ALG5: variants seen among roughly 807,000 people sequenced by gnomAD.
ALG5 encodes ALG5 dolichyl-phosphate beta-glucosyltransferase.
Under a neutral mutation model 51.8 loss-of-function variants are expected in ALG5, and 26 were observed. The observed-to-expected ratio is 0.50, with a 90% confidence interval of 0.37 to 0.70. The LOEUF (loss-of-function observed/expected upper bound fraction) is 0.70, where lower values mean the gene tolerates loss of function less well. Among genes scored for constraint, ALG5 ranks in the 30% least tolerant of loss-of-function variants. ALG5 has a pLI of 0.00. For synonymous variants in ALG5, 141 were observed against 136.1 expected (o/e 1.04, Z -0.25); for missense variants, 311 against 399.3 (o/e 0.78, Z 1.88).
At chr13:36,967,222 C>CAA (rs1370057490) in intron 7 of ALG5, among the ~76,000 whole-genome samples, 2 of 64,172 alleles carry the variant, frequency 3.1e-5, no homozygotes, top group African/African-American at 1.2e-4. Context: ...GACTCCAACT[C>CAA]AAAAAAAAAA....
Position 36,991,140 on chromosome 13 carries a change from G to C in ALG5, c.355-1564C>G, listed in dbSNP as rs114277489. On this transcript the variant is annotated intron_variant, in intron 4 of 9. Transcript: ENST00000239891. ...CCCATTAGTACCGTGAACATTAGCA[G>C]TATTTGAGATTTCCAGACCATACCA... Among the ~76,000 whole-genome samples the C allele has an allele frequency of 4.0e-3, 608 of 152,194 alleles. 5 individuals are homozygous for C. Among genetic ancestry groups the C allele is most frequent in the African/African-American group, 0.014 (586 of 41,536 alleles).
At chr13:36,988,984 C>A (rs868336219) in intron 5 of ALG5, among the ~76,000 whole-genome samples, 2 of 152,166 alleles carry the variant, frequency 1.3e-5, no homozygotes, top group South Asian at 2.1e-4. Flanking sequence ...CTGACAGTAA[C>A]CTCTTTTTTG....
chr13:36,992,712 C>T (rs191015888), intron 4 of ALG5, among the ~76,000 whole-genome samples: 48 of 152,210 alleles, frequency 3.2e-4, no homozygotes, highest in Middle Eastern at 3.4e-3. Context: ...CCTTGTGCCC[C>T]CTTGGTCTGA....
At chr13:36,997,692 T>C (rs1473285275) in intron 1 of ALG5, among the ~76,000 whole-genome samples, 1 of 152,132 alleles carries the variant, frequency 6.6e-6, no homozygotes, top group Non-Finnish European at 1.5e-5. Context: ...CTGTGACCAC[T>C]TTATTGTGGT....
chr13:36,982,810 T>C (rs188514506), intron 6 of ALG5, among the ~76,000 whole-genome samples: 25 of 151,796 alleles, frequency 1.6e-4, no homozygotes, highest in African/African-American at 5.8e-4. Flanking sequence ...CTGCAAAGAG[T>C]ATTACATGAT....
chr13:36,952,041 C>G (rs1365296190), intron 9 of ALG5, among the ~76,000 whole-genome samples: 1 of 152,142 alleles, frequency 6.6e-6, no homozygotes, highest in Non-Finnish European at 1.5e-5. Flanking sequence ...CCCCCTCGGT[C>G]TCCGAAAGTG....
chr13:36,970,535 G>A (rs1262417076), intron 7 of ALG5, among the ~76,000 whole-genome samples: 1 of 152,158 alleles, frequency 6.6e-6, no homozygotes, highest in Non-Finnish European at 1.5e-5. Flanking sequence ...GGGAGGCAGA[G>A]GTTGCAGTAA....
At chr13:36,979,981 AGGTT>A (rs2058971953) in intron 6 of ALG5, among the ~76,000 whole-genome samples, 1 of 152,168 alleles carries the variant, frequency 6.6e-6, no homozygotes, top group Non-Finnish European at 1.5e-5. Flanking sequence ...CTGGAAGCAG[AGGTT>A]GCAGTGAGCC....
At chr13:36,957,823 C>G (rs950209285) in intron 8 of ALG5, among the ~76,000 whole-genome samples, 2 of 152,108 alleles carry the variant, frequency 1.3e-5, no homozygotes, top group Non-Finnish European at 2.9e-5. Context: ...AGCCTGTCCC[C>G]GAGAAGAGGG....
At chr13:36,969,104 T>C (rs566272132) in intron 7 of ALG5, among the ~76,000 whole-genome samples, 8 of 152,342 alleles carry the variant, frequency 5.3e-5, no homozygotes, top group Admixed American at 6.5e-5. Context: ...GTTCCTGCGA[T>C]TGATCCCTTG....
intron 8 of ALG5, among the ~76,000 whole-genome samples, chr13:36,960,400 G>T (rs866643151): frequency 6.6e-6 from 1 of 152,088 alleles, no homozygotes; most frequent in African/African-American, 2.4e-5. Flanking sequence ...GGAAATTGGG[G>T]CAAGGAATTA....
At chr13:36,971,100 G>GT (rs763077044) in intron 7 of ALG5, among the ~76,000 whole-genome samples, 2 of 152,100 alleles carry the variant, frequency 1.3e-5, no homozygotes, top group Non-Finnish European at 2.9e-5. Flanking sequence ...CCTCATGTGC[G>GT]TAAGAGGGAC....
chr13:36,993,692 A>T lies in ALG5; in HGVS notation c.286-20T>A, dbSNP rs186706371. ...TCGTTTCTGCAAGAAACAAAAATAAAGTAATACAATTTGGCATAACTGCCA... is the reference window on the plus strand; with the variant it reads ...TCGTTTCTGCAAGAAACAAAAATAATGTAATACAATTTGGCATAACTGCCA... On this transcript the variant is annotated intron_variant, in intron 3 of 9. Transcript: ENST00000239891. The T allele has an allele frequency of 6.2e-7, 1 of 1,607,240 alleles. No homozygotes were observed. The highest frequency in any genetic ancestry group is 8.5e-7 in the Non-Finnish European group (1 of 1,175,330).
intron 6 of ALG5, among the ~76,000 whole-genome samples, chr13:36,982,246 T>G (rs925988354): frequency 1.3e-5 from 2 of 152,040 alleles, no homozygotes; most frequent in African/African-American, 4.8e-5. Context: ...ACAGAAACAA[T>G]GGAAGGGGGT....
At chr13:36,956,776 C>G (rs765140558) in intron 8 of ALG5, among the ~76,000 whole-genome samples, 3 of 152,004 alleles carry the variant, frequency 2.0e-5, no homozygotes, top group Non-Finnish European at 4.4e-5. Flanking sequence ...AGGTGGCAGT[C>G]TTACACTGCT....
intron 8 of ALG5, among the ~76,000 whole-genome samples, chr13:36,956,391 A>C (rs2058839842): frequency 1.3e-5 from 2 of 152,238 alleles, no homozygotes; most frequent in Admixed American, 1.3e-4. Context: ...AATGTAAATT[A>C]GTATAGTGAT....
rs529746268 is a variant in ALG5 at position 36,965,504 on chromosome 13, G to A, written c.773+71C>T. 2.1e-4 allele frequency: 304 copies of A among 1,419,554 alleles called. 7 individuals are homozygous for A. The South Asian group carries it at 3.8e-3, about 18-fold the overall frequency. 87.9% of individuals were successfully genotyped at this position (1,419,554 alleles called of 1,614,324 possible). A position where few individuals can be genotyped will look rare whatever the true frequency, so the allele number is the denominator to read the frequency against. On this transcript the variant is annotated intron_variant, in intron 8 of 9. Coordinates refer to ENST00000239891, the MANE Select transcript of ALG5 (RefSeq NM_013338.5). ...CTACATGTTCATTATAAATATACAG[G>A]GCTGTTTCTCATTACCTAGAAGATG...
At chr13:36,981,156 T>C (rs1313241020) in intron 6 of ALG5, among the ~76,000 whole-genome samples, 1 of 152,018 alleles carries the variant, frequency 6.6e-6, no homozygotes, top group Non-Finnish European at 1.5e-5. Flanking sequence ...ATAAGAATCA[T>C]CAGAACCAGA....
At chr13:36,977,956 G>A (rs570570430) in intron 6 of ALG5, among the ~76,000 whole-genome samples, 35 of 146,094 alleles carry the variant, frequency 2.4e-4, no homozygotes, top group African/African-American at 8.4e-4. Flanking sequence ...GCAAGATCTC[G>A]GCTCATTGCA....
Sources: gnomAD v4.1 joint callset for allele counts (sites outside exome capture counted in the v4.1 genomes callset) on GRCh38, gnomAD v4.1.1 for gene constraint, MANE v1.5 for transcripts, NCBI Gene and HGNC (gene_info 2026-07-23, HGNC 2026-07-21) for gene names.